The following OSBPL6 variants were observed in gnomAD, a reference collection of about 807,000 sequenced individuals.
The protein encoded by OSBPL6 is oxysterol binding protein like 6, also known as oxysterol-binding protein-related protein 6.
Under a neutral mutation model 125.8 loss-of-function variants are expected in OSBPL6, and 49 were observed. The ratio of observed to expected loss-of-function variants is 0.39; its 90% confidence interval spans 0.31 to 0.49. The LOEUF is 0.49. Ranked by LOEUF, OSBPL6 falls within the 20% of genes least tolerant of loss-of-function variation. OSBPL6 has a pLI of 0.88. For missense variants in OSBPL6, 986 were observed against 1,135.4 expected, an observed-to-expected ratio of 0.87 and a Z score of 1.89; for synonymous variants, 394 against 391.8, an observed-to-expected ratio of 1.01 and a Z score of -0.07.
At chr2:178,225,003 TTC>T (rs10679680) in intron 1 of OSBPL6, among the ~76,000 whole-genome samples, 2,566 of 148,430 alleles carry the variant, frequency 0.017, 53 homozygotes, top group East Asian at 0.064. Flanking sequence ...CTCTCTCTCT[TTC>T]TCTCTCTCTC....
chr2:178,284,895 T>C (rs1684556780), intron 1 of OSBPL6, 32 bp from the exon 2 acceptor site: 1 of 396,268 alleles, frequency 2.5e-6, no homozygotes, highest in South Asian at 1.4e-4. Flanking sequence ...TTTGTAAAGA[T>C]GTACTATATG....
At position 178,402,198 on chromosome 2, in the gene OSBPL6, C is replaced by T. The variant is rs1029785811; in HGVS notation, c.*6639C>T. The T allele has an allele frequency of 2.0e-5, 3 of 152,210 alleles. No homozygotes were observed. Among genetic ancestry groups the T allele is most frequent in the Admixed American group, 2.0e-4 (3 of 15,280 alleles). The allele number at this position is 152,210 out of a possible 1,614,324, so 9.4% of individuals were successfully genotyped here. A position where few individuals can be genotyped will look rare whatever the true frequency, so the allele number is the denominator to read the frequency against. ...ACTTTGTCATTTTCTTGACTTCTGT[C>T]CCAACGCCAGCCCTGTAATATGGAG... On this transcript the variant is annotated 3_prime_UTR_variant, in exon 25 of 25. Coordinates refer to ENST00000190611, the MANE Select transcript of OSBPL6 (RefSeq NM_032523.4).
chr2:178,289,295 C>T (rs1253909697), intron 2 of OSBPL6, among the ~76,000 whole-genome samples: 4 of 151,984 alleles, frequency 2.6e-5, no homozygotes, highest in Non-Finnish European at 5.9e-5. Context: ...GGATTACAGG[C>T]GTGAGCTACT....
At chr2:178,236,841 CTT>C (rs1327973620) in intron 1 of OSBPL6, among the ~76,000 whole-genome samples, 1 of 152,306 alleles carries the variant, frequency 6.6e-6, no homozygotes, top group South Asian at 2.1e-4. Flanking sequence ...CCCTATCACT[CTT>C]TCTCTTTTTC....
At position 178,267,375 on chromosome 2, in the gene OSBPL6, AC is replaced by A. The variant is rs369586852; in HGVS notation, c.-350-17551del. Among the ~76,000 whole-genome samples, 290 of 139,178 alleles carry A rather than the reference AC, an allele frequency of 2.1e-3. 1 individual carries two copies. The highest frequency in any genetic ancestry group is 5.1e-3 in the African/African-American group (185 of 36,412). 91.3% of individuals were successfully genotyped at this position (139,178 alleles called of 152,430 possible). On this transcript the variant is annotated intron_variant, in intron 1 of 24. Coordinates refer to ENST00000190611, the MANE Select transcript of OSBPL6 (RefSeq NM_032523.4). ...TCTCAAAAAAAAAAAAAAAAAAAAA[AC>A]AAAACAAGGTTTATCATTTTCTTCA... is the stretch of plus-strand genomic sequence containing the variant.
chr2:178,210,172 A>G (rs1465764617), intron 1 of OSBPL6, among the ~76,000 whole-genome samples: 1 of 142,676 alleles, frequency 7.0e-6, no homozygotes, highest in Non-Finnish European at 1.6e-5. Flanking sequence ...GGTGCCTGCC[A>G]CCATGCCCAG....
At chr2:178,333,111 T>C (rs1195696279) in intron 8 of OSBPL6, 70 bp downstream of exon 8, 66 of 1,545,202 alleles carry the variant, frequency 4.3e-5, no homozygotes, top group East Asian at 6.9e-5. Flanking sequence ...GGCCAGGCAC[T>C]GTGGCTCACG....
At chr2:178,214,977 A>G (rs2090029626) in intron 1 of OSBPL6, among the ~76,000 whole-genome samples, 1 of 152,110 alleles carries the variant, frequency 6.6e-6, no homozygotes, top group Non-Finnish European at 1.5e-5. Context: ...CTTTACGGCA[A>G]TGCCTGGATT....
intron 3 of OSBPL6, among the ~76,000 whole-genome samples, chr2:178,313,836 G>A (rs1191823924): frequency 6.6e-6 from 1 of 152,198 alleles, no homozygotes; most frequent in Non-Finnish European, 1.5e-5. Context: ...GACTCAGTGG[G>A]ACCATGTGCT....
At position 178,332,808 on chromosome 2, in the gene OSBPL6, T is replaced by C. The variant is rs1011575695; in HGVS notation, c.486+54T>C. ...CCATTATCAGGGGAAACGATTTGCC[T>C]ACACCAGTGGTAGGCAGGAGAGTTA... On this transcript the variant is annotated intron_variant, in intron 7 of 24. Transcript: ENST00000190611. 1.9e-5 allele frequency: 31 copies of C among 1,610,782 alleles called. No individual in the cohort carries two copies. The Admixed American group carries it at 5.0e-4, about 26-fold the overall frequency.
chr2:178,271,482 A>AAAAAC (rs1308431471), intron 1 of OSBPL6, among the ~76,000 whole-genome samples: 3 of 152,152 alleles, frequency 2.0e-5, no homozygotes, highest in East Asian at 1.9e-4. Context: ...GTTTTTGCTT[A>AAAAAC]AAAACAAAAC....
intron 1 of OSBPL6, among the ~76,000 whole-genome samples, chr2:178,258,391 C>G (rs1260537811): frequency 6.6e-6 from 1 of 152,162 alleles, no homozygotes; most frequent in Non-Finnish European, 1.5e-5. Context: ...GCCACTGTGC[C>G]TGGCCAGGCT....
At chr2:178,204,449 G>C (rs1475836405) in intron 1 of OSBPL6, among the ~76,000 whole-genome samples, 1 of 152,146 alleles carries the variant, frequency 6.6e-6, no homozygotes, top group Non-Finnish European at 1.5e-5. Flanking sequence ...GCTGCCCTGG[G>C]CCTGGGTTCC....
Position 178,214,274 on chromosome 2 carries a change from G to A in OSBPL6, c.-351+19600G>A, listed in dbSNP as rs183548355. ...CTGACTACTTCCCACTCCAAAATAA[G>A]GCAATCCTGTAAAGGCCTTATATAG... On this transcript the variant is annotated intron_variant, in intron 1 of 24. Coordinates refer to ENST00000190611, the MANE Select transcript of OSBPL6 (RefSeq NM_032523.4). Among the ~76,000 whole-genome samples the A allele has an allele frequency of 3.4e-3, 516 of 152,250 alleles. 2 individuals are homozygous for A. Among genetic ancestry groups the A allele is most frequent in the African/African-American group, 0.011 (473 of 41,544 alleles).
At chr2:178,219,872 A>G (rs2090263076) in intron 1 of OSBPL6, among the ~76,000 whole-genome samples, 1 of 152,214 alleles carries the variant, frequency 6.6e-6, no homozygotes, top group African/African-American at 2.4e-5. Flanking sequence ...AACCACATTC[A>G]CCATCATCCT....
chr2:178,365,830 T>C (rs751700131), intron 13 of OSBPL6, among the ~76,000 whole-genome samples: 7 of 152,198 alleles, frequency 4.6e-5, no homozygotes, highest in Non-Finnish European at 8.8e-5. Context: ...GGACATTTTA[T>C]GTGGCATCTA....
rs1398624420 is a variant in OSBPL6, at chr2:178,383,176, C to T, written c.1774C>T (p.Leu592=). ...GTCTAAAGTCTCTATGCCTGTGGAGCTAAACGAGCCGCTCAACACCCTGCA... is the reference window on the plus strand; with the variant it reads ...GTCTAAAGTCTCTATGCCTGTGGAGTTAAACGAGCCGCTCAACACCCTGCA... The part of the protein sequence containing the change: ...DLSKVSMPVE[L]NEPLNTLQHL... The change falls in exon 17 of 25, where the codon CTA becomes TTA. Residue 592 remains leucine (L), a synonymous_variant. Coordinates refer to ENST00000190611, the MANE Select transcript of OSBPL6 (RefSeq NM_032523.4). The T allele has an allele frequency of 6.2e-7, 1 of 1,614,114 alleles. No homozygotes were observed.
chr2:178,219,946 C>T (rs2090265295), intron 1 of OSBPL6, among the ~76,000 whole-genome samples: 1 of 152,140 alleles, frequency 6.6e-6, no homozygotes, highest in South Asian at 2.1e-4. Context: ...AAGTGGTGGT[C>T]TGGGGATTTC....
intron 1 of OSBPL6, among the ~76,000 whole-genome samples, chr2:178,239,680 C>T (rs1391572729): frequency 6.6e-6 from 1 of 151,100 alleles, no homozygotes; most frequent in East Asian, 1.9e-4. Flanking sequence ...GGCTGGAGTG[C>T]AGTGGTGTGA....
Sources: allele counts gnomAD v4.1 joint callset (sites outside exome capture counted in the v4.1 genomes callset), GRCh38; gene constraint gnomAD v4.1.1; transcripts MANE v1.5; gene names NCBI Gene and HGNC (gene_info 2026-07-23, HGNC 2026-07-21).